BIRC6: variants seen among roughly 807,000 people sequenced by gnomAD.
BIRC6 encodes baculoviral IAP repeat containing 6, also known as dual E2 ubiquitin-conjugating enzyme/E3 ubiquitin-protein ligase BIRC6.
Under a neutral mutation model 503.3 loss-of-function variants are expected in BIRC6, and 98 were observed. That is an observed-to-expected ratio of 0.19 (90% CI 0.17 to 0.23). The LOEUF is 0.23. BIRC6 is among the 10% of genes least tolerant of loss of function. The probability of loss-of-function intolerance (pLI) is 1.00; values close to 1 mark genes in which losing one functional copy is unlikely to be tolerated. For synonymous variants in BIRC6, 2,240 were observed against 2,078.7 expected (o/e 1.08, Z -2.11); for missense variants, 5,360 against 5,806.0 (o/e 0.92, Z 2.50).
At chr2:32,460,362 C>T (rs1231466268) in intron 23 of BIRC6, among the ~76,000 whole-genome samples, 6 of 140,024 alleles carry the variant, frequency 4.3e-5, no homozygotes, top group East Asian at 2.3e-4. Context: ...CTGCAATCTC[C>T]GCCTCCCGGG....
At position 32,586,292 on chromosome 2, in the gene BIRC6, G is replaced by C. The variant is rs539500063; in HGVS notation, c.13356-7623G>C. Among the ~76,000 whole-genome samples, 440 of 151,380 alleles carry C rather than the reference G, an allele frequency of 2.9e-3. 2 individuals carry two copies. Among genetic ancestry groups the C allele is most frequent in the African/African-American group, 0.01 (430 of 41,316 alleles). ...TAAAAAAAAATTATAAATTGACTTA[G>C]TGTTTCTGCCTCAGAAGCATAACAT... On this transcript the variant is annotated intron_variant, in intron 66 of 73. Coordinates refer to ENST00000421745, the MANE Select transcript of BIRC6 (RefSeq NM_016252.4).
intron 39 of BIRC6, among the ~76,000 whole-genome samples, chr2:32,483,966 G>GT (rs70938350): frequency 6.6e-6 from 1 of 152,062 alleles, no homozygotes; most frequent in African/African-American, 2.4e-5. Context: ...TTCTCATTGG[G>GT]TTTTTTGGGG....
chr2:32,465,816 T>C (rs146092407), intron 26 of BIRC6, among the ~76,000 whole-genome samples: 1 of 152,370 alleles, frequency 6.6e-6, no homozygotes, highest in African/African-American at 2.4e-5. Context: ...TGTATCATTA[T>C]ATGAAGAATT....
intron 1 of BIRC6, among the ~76,000 whole-genome samples, chr2:32,374,264 T>G (rs1301347037): frequency 6.6e-6 from 1 of 152,160 alleles, no homozygotes; most frequent in African/African-American, 2.4e-5. Flanking sequence ...TGACTCTATT[T>G]TGTTCCATTG....
At chr2:32,454,757 A>G (rs1387090760) in intron 23 of BIRC6, among the ~76,000 whole-genome samples, 1 of 152,154 alleles carries the variant, frequency 6.6e-6, no homozygotes, top group African/African-American at 2.4e-5. Flanking sequence ...GAATAGCAGG[A>G]GGTTTTAAAA....
intron 66 of BIRC6, among the ~76,000 whole-genome samples, chr2:32,591,384 A>G (rs1035408311): frequency 1.3e-5 from 2 of 152,198 alleles, no homozygotes; most frequent in Non-Finnish European, 2.9e-5. Flanking sequence ...AATAAAATTT[A>G]TCATCCTAAC....
intron 9 of BIRC6, among the ~76,000 whole-genome samples, chr2:32,408,570 G>C (rs577970390): frequency 1.3e-5 from 2 of 152,148 alleles, no homozygotes; most frequent in African/African-American, 4.8e-5. Flanking sequence ...TTTTCCCTGG[G>C]TCTAAGGATC....
At chr2:32,600,589 A>C (rs2061987127) in intron 70 of BIRC6, among the ~76,000 whole-genome samples, 1 of 152,230 alleles carries the variant, frequency 6.6e-6, no homozygotes, top group East Asian at 1.9e-4. Flanking sequence ...AGTAGGGAAG[A>C]GGAAATAGCA....
At chr2:32,614,010 T>C (rs1425410645) in intron 73 of BIRC6, among the ~76,000 whole-genome samples, 2 of 152,226 alleles carry the variant, frequency 1.3e-5, no homozygotes, top group Non-Finnish European at 2.9e-5. Context: ...GTTGTATTAC[T>C]GACATTTTTT....
In BIRC6 at chr2:32,545,773, T is replaced by G. The variant is rs2058015390; in HGVS notation, c.12723T>G (p.Ile4241Met). ...GVLLRRMALE[I>M]GALHLILVCL... ...TTCTAAGGCGGATGGCATTGGAAAT[T>G]GGAGCCTTACACCTCATTCTTGTCT... The change falls in exon 63 of 74, where the codon ATT (isoleucine) becomes ATG (methionine). Residue 4241 changes from isoleucine (I) to methionine (M), a missense_variant. Transcript: ENST00000421745. The G allele has an allele frequency of 6.2e-7, 1 of 1,613,964 alleles. No homozygotes were observed.
In BIRC6 at chr2:32,464,601, C is replaced by T. The variant is rs947678519; in HGVS notation, c.5034C>T (p.Ser1678=). The change falls in exon 25 of 74, where the codon TCC becomes TCT. Residue 1678 remains serine, a synonymous_variant. Transcript: ENST00000421745. ...GTCCTGTTCACAACTCTGTGCCTTCCAACCCAGTGGCTGCCCCTGGATTCT... is the reference window on the plus strand; with the variant it reads ...GTCCTGTTCACAACTCTGTGCCTTCTAACCCAGTGGCTGCCCCTGGATTCT... The part of the protein sequence containing the change: ...AVGPVHNSVP[S]NPVAAPGFFI... 1.2e-6 allele frequency: 2 copies of T among 1,613,430 alleles called. No individual in the cohort carries two copies. The highest frequency in any genetic ancestry group is 1.7e-6 in the Non-Finnish European group (2 of 1,179,580).
chr2:32,586,309 GCATAA>G (rs1487875291), intron 66 of BIRC6, among the ~76,000 whole-genome samples: 2 of 150,342 alleles, frequency 1.3e-5, no homozygotes, highest in Non-Finnish European at 3.0e-5. Context: ...TGCCTCAGAA[GCATAA>G]CATATTAGTA....
At chr2:32,454,261 G>A (rs774271095) in intron 23 of BIRC6, among the ~76,000 whole-genome samples, 5 of 152,030 alleles carry the variant, frequency 3.3e-5, no homozygotes, top group Non-Finnish European at 5.9e-5. Flanking sequence ...AATAGACTAC[G>A]TGTTTCTACT....
intron 64 of BIRC6, among the ~76,000 whole-genome samples, chr2:32,548,365 CTTTTTTTTT>C (rs1202755440): frequency 6.8e-5 from 5 of 73,364 alleles, no homozygotes; most frequent in African/African-American, 2.8e-4. Flanking sequence ...TGGTTGCTTA[CTTTTTTTTT>C]TTTTTTTTTT....
At chr2:32,429,103 T>C in intron 10 of BIRC6, 43 bp from the exon 11 acceptor site, 1 of 1,493,970 alleles carries the variant, frequency 6.7e-7, no homozygotes, top group Non-Finnish European at 9.1e-7. Context: ...TATTTGAATG[T>C]TTACCTATTT....
rs1207394061 is a variant in BIRC6, at chr2:32,357,601, C to T, written c.325+115C>T. ...TGGCGAGAGGGCAGGGCTGGGGGTT[C>T]GGGCCCAGCCGTGAAGGGAGGCCCG... On this transcript the variant is annotated intron_variant, in intron 1 of 73. Transcript: ENST00000421745. The surrounding 1 kb of genome is among the most constrained non-coding windows in gnomAD (Gnocchi z 4.9). 12 of 1,450,690 alleles carry T rather than the reference C, an allele frequency of 8.3e-6. No individual in the cohort carries two copies. Among genetic ancestry groups the T allele is most frequent in the Non-Finnish European group, 1.1e-5 (12 of 1,108,418 alleles). The allele number at this position is 1,450,690 out of a possible 1,614,324, so 89.9% of individuals were successfully genotyped here.
chr2:32,546,562 A>G (rs1047029374), intron 63 of BIRC6, among the ~76,000 whole-genome samples: 2 of 152,124 alleles, frequency 1.3e-5, no homozygotes, highest in Admixed American at 1.3e-4. Flanking sequence ...ACTGGGCGAC[A>G]AGAGTGAAAC....
At chr2:32,367,255 G>C (rs1399088084) in intron 1 of BIRC6, among the ~76,000 whole-genome samples, 1 of 152,128 alleles carries the variant, frequency 6.6e-6, no homozygotes, top group South Asian at 2.1e-4. Flanking sequence ...CTGAGGTACG[G>C]AGTTCGAGAC....
intron 72 of BIRC6, among the ~76,000 whole-genome samples, chr2:32,611,108 C>CTT (rs1245765148): frequency 7.9e-6 from 1 of 126,172 alleles, no homozygotes; most frequent in African/African-American, 2.9e-5. Flanking sequence ...ATTAAATTGC[C>CTT]TTTTTTTTTT....
Sources: gnomAD v4.1 joint callset for allele counts (sites outside exome capture counted in the v4.1 genomes callset) on GRCh38, gnomAD v4.1.1 for gene constraint, Gnocchi (gnomAD v3.1) non-coding constraint, MANE v1.5 for transcripts, NCBI Gene and HGNC (gene_info 2026-07-23, HGNC 2026-07-21) for gene names.